ART1: variants seen among roughly 807,000 people sequenced by gnomAD.
ART1 encodes the protein ADP-ribosyltransferase 1.
Under a neutral mutation model 27.0 loss-of-function variants are expected in ART1, and 29 were observed. The observed-to-expected ratio is 1.08, with a 90% CI of 0.80 to 1.47. The LOEUF is 1.47. ART1 is among the 40% of genes most tolerant of loss of function. The pLI, the probability that ART1 is intolerant of heterozygous loss-of-function variation, is 0.00. For missense variants in ART1, 480 were observed against 423.0 expected (o/e 1.13, Z -1.18); for synonymous variants, 201 against 172.2 (o/e 1.17, Z -1.31).
intron 3 of ART1, 23 bp downstream of exon 3, chr11:3,660,386 G>A (rs752388349): frequency 2.2e-5 from 35 of 1,582,760 alleles, no homozygotes; most frequent in Non-Finnish European, 2.9e-5. Context: ...GCGCTGGTCG[G>A]CACCTGTGCG....
At chr11:3,651,585 G>A (rs1000059361) in intron 1 of ART1, among the ~76,000 whole-genome samples, 5 of 151,110 alleles carry the variant, frequency 3.3e-5, no homozygotes, top group South Asian at 2.1e-4. Context: ...TGCGTGCAGC[G>A]GCTGCCGCTG....
chr11:3,651,888 G>C (rs944947914), intron 1 of ART1, among the ~76,000 whole-genome samples: 4 of 150,306 alleles, frequency 2.7e-5, no homozygotes, highest in Non-Finnish European at 5.9e-5. Flanking sequence ...CTTCTTTCCT[G>C]TTCCTCACCC....
chr11:3,653,807 T>G (rs2077549204), intron 1 of ART1, among the ~76,000 whole-genome samples: 1 of 146,638 alleles, frequency 6.8e-6, no homozygotes, highest in Non-Finnish European at 1.5e-5. Context: ...CTATCCTCAC[T>G]GCCATTCTCC....
chr11:3,660,819 T>C (rs1381065615), intron 3 of ART1, among the ~76,000 whole-genome samples: 1 of 152,054 alleles, frequency 6.6e-6, no homozygotes, highest in African/African-American at 2.4e-5. Flanking sequence ...AAGGGTGTGC[T>C]GGGTGGGGTG....
rs564359354 is a variant in ART1 at position 3,648,689 on chromosome 11, C to T, written c.-53+3510C>T. 3.9e-5 allele frequency among the ~76,000 whole-genome samples: 6 copies of T among 152,326 alleles called. No individual in the cohort carries two copies. In the South Asian group the frequency reaches 1.2e-3, roughly 32 times the overall value. On this transcript the variant is annotated intron_variant, in intron 1 of 4. Transcript: ENST00000250693. ...GTTTAATCATTGCAGGGACACCTCTCTGATTATTCACCCACGTTTCAGAGG... is the reference window on the plus strand; with the variant it reads ...GTTTAATCATTGCAGGGACACCTCTTTGATTATTCACCCACGTTTCAGAGG...
At chr11:3,650,751 A>G (rs1211251392) in intron 1 of ART1, among the ~76,000 whole-genome samples, 1 of 151,650 alleles carries the variant, frequency 6.6e-6, no homozygotes, top group Non-Finnish European at 1.5e-5. Context: ...CCTGGGCTAC[A>G]GCCACACCTC....
intron 1 of ART1, among the ~76,000 whole-genome samples, chr11:3,652,519 A>G (rs1371651011): frequency 1.3e-5 from 2 of 152,138 alleles, no homozygotes; most frequent in Non-Finnish European, 2.9e-5. Flanking sequence ...TAATACTTCT[A>G]CCACTTTCCC....
At position 3,660,169 on chromosome 11, in the gene ART1, C is replaced by A. The variant is rs1565045100; in HGVS notation, c.650C>A (p.Thr217Asn). Residue 217 changes from threonine (T) to asparagine (N), a missense_variant, in exon 3 of 5, where the codon ACC (threonine) becomes AAC (asparagine). Transcript: ENST00000250693. The stretch of plus-strand genomic sequence containing the variant: ...GCAGCCCAGCAGTTTGGTGAGGACA[C>A]CTTCTTCGGCATCTGGACCTGCCTT... ...HVAAQQFGED[T>N]FFGIWTCLGA... 4 of 1,614,062 alleles carry A rather than the reference C, an allele frequency of 2.5e-6. No homozygotes were observed. The highest frequency in any genetic ancestry group is 3.4e-6 in the Non-Finnish European group (4 of 1,180,038).
At chr11:3,662,992 CT>C (rs1284152654) in intron 4 of ART1, among the ~76,000 whole-genome samples, 4 of 151,682 alleles carry the variant, frequency 2.6e-5, no homozygotes, top group African/African-American at 9.7e-5. Flanking sequence ...GTTCCCACCC[CT>C]CCCCAGACAT....
intron 1 of ART1, among the ~76,000 whole-genome samples, chr11:3,649,033 T>C (rs1166605450): frequency 2.0e-5 from 3 of 151,636 alleles, no homozygotes; most frequent in Admixed American, 2.0e-4. Context: ...CGACCTCTTA[T>C]CTCTGCGCCC....
At chr11:3,664,050 T>TC in intron 4 of ART1, 42 bp from the exon 5 acceptor site, 3 of 1,569,772 alleles carry the variant, frequency 1.9e-6, no homozygotes, top group Non-Finnish European at 2.6e-6. Flanking sequence ...CCTCTTTTTT[T>TC]CTCTCTCTCT....
chr11:3,650,867 G>A (rs1377648025), intron 1 of ART1, among the ~76,000 whole-genome samples: 8 of 136,790 alleles, frequency 5.8e-5, no homozygotes, highest in African/African-American at 1.5e-4. Flanking sequence ...CTTCGCGACC[G>A]ATCATGCACC....
rs566327340 is a variant in ART1, at chr11:3,664,245, G to A, written c.*56G>A. On this transcript the variant is annotated 3_prime_UTR_variant, in exon 5 of 5. Transcript: ENST00000250693. ...GCCTCTGCCCATCCTGAGGATGTTG[G>A]CCATGTGTGCTTTCAGTGTAACCAA... The A allele has an allele frequency of 7.0e-4, 1,067 of 1,534,786 alleles. 14 individuals carry two copies. In the South Asian group the frequency reaches 0.011, roughly 16 times the overall value.
chr11:3,662,786 G>A (rs149689579), intron 4 of ART1, among the ~76,000 whole-genome samples: 5 of 152,352 alleles, frequency 3.3e-5, no homozygotes, highest in African/African-American at 1.2e-4. Context: ...GGAGGTTGCT[G>A]TGAGCCATGA....
intron 1 of ART1, among the ~76,000 whole-genome samples, chr11:3,653,597 CA>C (rs2077546064): frequency 6.6e-6 from 1 of 152,184 alleles, no homozygotes; most frequent in Non-Finnish European, 1.5e-5. Context: ...ATTGCTCACA[CA>C]AAGCCTGTTT....
chr11:3,653,651 T>C (rs926220324), intron 1 of ART1, among the ~76,000 whole-genome samples: 6 of 152,158 alleles, frequency 3.9e-5, no homozygotes, highest in African/African-American at 1.2e-4. Context: ...AGGAGCTTCG[T>C]ATTTTTTTTA....
intron 1 of ART1, among the ~76,000 whole-genome samples, chr11:3,649,269 T>C (rs2077497187): frequency 6.6e-6 from 1 of 152,202 alleles, no homozygotes; most frequent in Admixed American, 6.5e-5. Context: ...CTTATTTTCT[T>C]CTGCAAGGCT....
chr11:3,663,297 G>T (rs2077637325), intron 4 of ART1, among the ~76,000 whole-genome samples: 1 of 152,158 alleles, frequency 6.6e-6, no homozygotes, highest in African/African-American at 2.4e-5. Context: ...AAGAAGCCAG[G>T]TTTCCAGCTT....
At chr11:3,653,605 G>T (rs912862274) in intron 1 of ART1, among the ~76,000 whole-genome samples, 2 of 152,290 alleles carry the variant, frequency 1.3e-5, no homozygotes, top group South Asian at 4.1e-4. Flanking sequence ...CACAAAGCCT[G>T]TTTGGTGGTC....
Sources: gnomAD v4.1 joint callset for allele counts (sites outside exome capture counted in the v4.1 genomes callset) on GRCh38, gnomAD v4.1.1 for gene constraint, MANE v1.5 for transcripts, NCBI Gene and HGNC (gene_info 2026-07-23, HGNC 2026-07-21) for gene names.